MTR: variants seen among roughly 807,000 people sequenced by gnomAD.
MTR encodes the protein methionine synthase.
MTR carries 84 observed loss-of-function variants against 154.8 expected under a neutral mutation model. The observed-to-expected ratio is 0.54, with a 90% confidence interval of 0.45 to 0.65. The LOEUF is 0.65. MTR is among the 30% of genes least tolerant of loss of function. The pLI is 0.00. For missense variants in MTR, 1,275 were observed against 1,570.2 expected (o/e 0.81, Z 3.18); for synonymous variants, 554 against 553.9 (o/e 1.00, Z 0.00).
chr1:236,822,745 G>A (rs971009585), intron 8 of MTR, among the ~76,000 whole-genome samples: 25 of 152,164 alleles, frequency 1.6e-4, no homozygotes, highest in Non-Finnish European at 2.6e-4. Flanking sequence ...GATTCTCTGG[G>A]ATTTTCTACA....
chr1:236,799,202 G>A (rs1347133289), intron 1 of MTR, among the ~76,000 whole-genome samples: 6 of 152,106 alleles, frequency 3.9e-5, no homozygotes, highest in African/African-American at 1.4e-4. Flanking sequence ...GTTCACTGCA[G>A]CCTCGACTTC....
At chr1:236,859,368 A>G (rs976827551) in intron 18 of MTR, among the ~76,000 whole-genome samples, 2 of 152,360 alleles carry the variant, frequency 1.3e-5, no homozygotes, top group East Asian at 3.9e-4. Flanking sequence ...CCTTCAAACC[A>G]TAACAATGGC....
chr1:236,873,980 C>T (rs1310898775), intron 23 of MTR, 140 bp downstream of exon 23: 3 of 832,882 alleles, frequency 3.6e-6, no homozygotes. Flanking sequence ...GCTCCTGCAC[C>T]AGGTTGCTTT....
At chr1:236,888,029 G>A (rs1321454992) in intron 27 of MTR, among the ~76,000 whole-genome samples, 3 of 152,214 alleles carry the variant, frequency 2.0e-5, no homozygotes, top group Admixed American at 6.5e-5. Context: ...GGATTGTCCC[G>A]TGTAGTAGAA....
intron 15 of MTR, among the ~76,000 whole-genome samples, chr1:236,842,397 A>G (rs1663306414): frequency 6.6e-6 from 1 of 152,092 alleles, no homozygotes; most frequent in Non-Finnish European, 1.5e-5. Context: ...TTTTTGGTAC[A>G]TATATTATTG....
At position 236,846,641 on chromosome 1, in the gene MTR, A is replaced by G. The variant is rs772352446; in HGVS notation, c.1516-3703A>G. Among the ~76,000 whole-genome samples, 20 of 152,312 alleles carry G rather than the reference A, an allele frequency of 1.3e-4. No homozygotes were observed. The East Asian group carries it at 1.5e-3, about 12-fold the overall frequency. ...AACATGGCGTGTCTTTCAATTACTCATTCAATGGAGTTTTGTAATTATCCC... is the reference window on the plus strand; with the variant it reads ...AACATGGCGTGTCTTTCAATTACTCGTTCAATGGAGTTTTGTAATTATCCC... On this transcript the variant is annotated intron_variant, in intron 15 of 32. Coordinates refer to ENST00000366577, the MANE Select transcript of MTR (RefSeq NM_000254.3).
chr1:236,861,305 A>C, intron 20 of MTR, 28 bp downstream of exon 20: 1 of 1,613,602 alleles, frequency 6.2e-7, no homozygotes, highest in Non-Finnish European at 8.5e-7. Flanking sequence ...AGAAATTTTC[A>C]CAGTTGCATC....
chr1:236,882,103 C>A (rs1665768847), intron 25 of MTR, among the ~76,000 whole-genome samples: 1 of 152,172 alleles, frequency 6.6e-6, no homozygotes, highest in Admixed American at 6.5e-5. Flanking sequence ...TTGATGTAGA[C>A]AAATATGCAA....
intron 6 of MTR, among the ~76,000 whole-genome samples, chr1:236,813,657 C>T (rs1269314689): frequency 6.6e-6 from 1 of 152,092 alleles, no homozygotes; most frequent in African/African-American, 2.4e-5. Context: ...GTTTTAGAGC[C>T]ATTTATATTT....
intron 21 of MTR, among the ~76,000 whole-genome samples, chr1:236,862,557 A>C (rs907740345): frequency 1.3e-5 from 2 of 152,208 alleles, no homozygotes; most frequent in African/African-American, 4.8e-5. Flanking sequence ...ATATAGATAC[A>C]ATTTTTCAAT....
Position 236,808,752 on chromosome 1 carries a change from G to A in MTR, c.388G>A (p.Glu130Lys), listed in dbSNP as rs755894287. ...CSAGVARKAA[E>K]EVTLQTGIKR... is the part of the protein sequence containing the mutation. Reference sequence around the variant, plus strand: ...TGCAGGAGTGGCCAGAAAAGCTGCCGAGGAGGTAACTCTCCAGACAGGTAG... The same window carrying A: ...TGCAGGAGTGGCCAGAAAAGCTGCCAAGGAGGTAACTCTCCAGACAGGTAG... The change falls in exon 4 of 33, where the codon GAG becomes AAG. Residue 130 changes from glutamate (E) to lysine (K), a missense_variant. By Grantham distance (56) the Glu-to-Lys change is moderately conservative (BLOSUM62 1). Coordinates refer to ENST00000366577, the MANE Select transcript of MTR (RefSeq NM_000254.3). 11 of 1,614,068 alleles carry A rather than the reference G, an allele frequency of 6.8e-6. No individual in the cohort carries two copies. Among genetic ancestry groups the A allele is most frequent in the Admixed American group, 6.7e-5 (4 of 60,006 alleles).
intron 25 of MTR, among the ~76,000 whole-genome samples, chr1:236,881,105 CCAGA>C (rs1665707597): frequency 6.6e-6 from 1 of 152,196 alleles, no homozygotes; most frequent in South Asian, 2.1e-4. Flanking sequence ...TGGACACCAA[CCAGA>C]CAAAGATTTC....
At chr1:236,859,167 C>T (rs770775892) in intron 18 of MTR, among the ~76,000 whole-genome samples, 4 of 152,222 alleles carry the variant, frequency 2.6e-5, no homozygotes, top group Non-Finnish European at 5.9e-5. Flanking sequence ...TGGCCTTGGC[C>T]CCTGGTGAGG....
intron 18 of MTR, among the ~76,000 whole-genome samples, 191 bp from the exon 19 acceptor site, chr1:236,859,642 A>G (rs1033452382): frequency 6.6e-6 from 1 of 152,224 alleles, no homozygotes; most frequent in Non-Finnish European, 1.5e-5. Flanking sequence ...ACCCTAAAAG[A>G]TTTCTCATTT....
At chr1:236,809,486 A>G (rs1250107168) in intron 4 of MTR, among the ~76,000 whole-genome samples, 1 of 152,258 alleles carries the variant, frequency 6.6e-6, no homozygotes, top group African/African-American at 2.4e-5. Context: ...CTGTGAAGTT[A>G]TACACAGCAT....
chr1:236,819,739 A>G, intron 8 of MTR: 1 of 738,440 alleles, frequency 1.4e-6, no homozygotes, highest in Non-Finnish European at 2.5e-6. Context: ...TTCCAAATGA[A>G]GCAGTACATC....
intron 24 of MTR, among the ~76,000 whole-genome samples, chr1:236,877,305 T>C (rs993449462): frequency 1.4e-4 from 22 of 152,334 alleles, no homozygotes; most frequent in African/African-American, 5.1e-4. Context: ...CATATAGATG[T>C]ACAACTTGAC....
At chr1:236,873,706 T>C (rs367595498) in intron 22 of MTR, 67 bp from the exon 23 acceptor site, 224 of 1,313,946 alleles carry the variant, frequency 1.7e-4, no homozygotes, top group Non-Finnish European at 2.3e-4. Flanking sequence ...GAAATAAAAA[T>C]GTTCATTTCA....
intron 5 of MTR, 58 bp from the exon 6 acceptor site, chr1:236,812,680 T>C: frequency 7.3e-7 from 1 of 1,365,146 alleles, no homozygotes; most frequent in Non-Finnish European, 1.0e-6. Context: ...CGAGATACCC[T>C]AGGGCCATTC....
Sources: allele counts gnomAD v4.1 joint callset (sites outside exome capture counted in the v4.1 genomes callset), GRCh38; gene constraint gnomAD v4.1.1; transcripts MANE v1.5; gene names NCBI Gene and HGNC (gene_info 2026-07-23, HGNC 2026-07-21).